ANP32A: variants seen among roughly 807,000 people sequenced by gnomAD.
ANP32A encodes the protein acidic leucine-rich nuclear phosphoprotein 32 family member A.
A neutral mutation model predicts 33.9 loss-of-function variants in ANP32A; 1 was observed. The observed-to-expected ratio is 0.03, with a 90% CI of 0.01 to 0.14. The LOEUF (loss-of-function observed/expected upper bound fraction) is 0.14. Among genes scored for constraint, ANP32A ranks in the 10% least tolerant of loss-of-function variants. The pLI is 1.00. For missense variants in ANP32A, 155 were observed against 306.0 expected (o/e 0.51, Z 3.68); for synonymous variants, 115 against 120.5 (o/e 0.95, Z 0.30).
chr15:68,782,766 G>A (rs1395111864), intron 5 of ANP32A, 190 bp downstream of exon 5: 1 of 1,060,364 alleles, frequency 9.4e-7, no homozygotes, highest in Non-Finnish European at 1.3e-6. Flanking sequence ...AGCCTCCCCA[G>A]AGCTTACTGC....
Position 68,787,972 on chromosome 15 carries a change from G to A in ANP32A, c.55-53C>T. On this transcript the variant is annotated intron_variant, in intron 1 of 6. Coordinates refer to ENST00000465139, the MANE Select transcript of ANP32A (RefSeq NM_006305.4). Reference sequence around the variant, plus strand: ...GGGCTGAGGAATGGGGCTGAAGCAGGGGGAGGGTGTTAGAGGACTCCTCAG... The same window carrying A: ...GGGCTGAGGAATGGGGCTGAAGCAGAGGGAGGGTGTTAGAGGACTCCTCAG... 3.1e-6 allele frequency: 5 copies of A among 1,611,322 alleles called. No individual in the cohort carries two copies. The South Asian group carries it at 5.5e-5, about 18-fold the overall frequency.
At chr15:68,788,716 C>G (rs1893964006) in intron 1 of ANP32A, among the ~76,000 whole-genome samples, 1 of 152,170 alleles carries the variant, frequency 6.6e-6, no homozygotes, top group Non-Finnish European at 1.5e-5. Context: ...CACGGTCCAG[C>G]ATAGACGTGG....
At position 68,784,617 on chromosome 15, in the gene ANP32A, C is replaced by G. The variant is rs776605979; in HGVS notation, c.328-22G>C. On this transcript the variant is annotated intron_variant, in intron 3 of 6. Transcript: ENST00000465139. The stretch of plus-strand genomic sequence containing the variant: ...TTTTCTGCAAGCGGAAAAATGAAGC[C>G]AACAGTAAGTGATTTGTGGGAGGAA... The G allele has an allele frequency of 3.7e-6, 6 of 1,613,144 alleles. No homozygotes were observed. In the African/African-American group the frequency reaches 8.0e-5, roughly 22 times the overall value.
intron 1 of ANP32A, among the ~76,000 whole-genome samples, chr15:68,815,093 G>A (rs369161142): frequency 2.5e-4 from 38 of 152,308 alleles, no homozygotes; most frequent in South Asian, 1.7e-3. Flanking sequence ...TTCCTGGGTT[G>A]AGGCTGATTT....
intron 1 of ANP32A, among the ~76,000 whole-genome samples, chr15:68,794,510 G>T (rs949730080): frequency 2.0e-5 from 3 of 152,218 alleles, no homozygotes; most frequent in Non-Finnish European, 4.4e-5. Context: ...GCACACAAGA[G>T]AAGACTCATA....
Position 68,787,929 on chromosome 15 carries a change from G to C in ANP32A, c.55-10C>G, listed in dbSNP as rs181780074. ...GGACAAGTTCTTTCACCTGAAAGAA[G>C]GCCCGACCGTGTGAGCGGGGCTGAG... On this transcript the variant is annotated splice_polypyrimidine_tract_variant and intron_variant, in intron 1 of 6. Coordinates refer to ENST00000465139, the MANE Select transcript of ANP32A (RefSeq NM_006305.4). The C allele has an allele frequency of 1.9e-4, 313 of 1,614,074 alleles. No individual in the cohort carries two copies. The African/African-American group carries it at 3.8e-3, about 19-fold the overall frequency.
chr15:68,801,102 G>A (rs1894128903), intron 1 of ANP32A, among the ~76,000 whole-genome samples: 1 of 152,032 alleles, frequency 6.6e-6, no homozygotes, highest in Non-Finnish European at 1.5e-5. Flanking sequence ...TGGTAGGATA[G>A]TGGGTTTCAC....
chr15:68,811,847 C>T (rs893789787), intron 1 of ANP32A, among the ~76,000 whole-genome samples: 2 of 152,084 alleles, frequency 1.3e-5, no homozygotes, highest in Non-Finnish European at 2.9e-5. Flanking sequence ...AGCGATTCTC[C>T]TGCCTCAGCC....
intron 1 of ANP32A, among the ~76,000 whole-genome samples, chr15:68,796,513 C>T (rs1455392700): frequency 1.3e-5 from 2 of 152,232 alleles, no homozygotes; most frequent in Admixed American, 1.3e-4. Context: ...CCACACCCAG[C>T]CGCAGACTCG....
At chr15:68,782,783 T>C in intron 5 of ANP32A, 173 bp downstream of exon 5, 1 of 1,227,860 alleles carries the variant, frequency 8.1e-7, no homozygotes. Flanking sequence ...CTGCAAGTCT[T>C]GTCTCCCCAG....
Position 68,793,220 on chromosome 15 carries a change from G to A in ANP32A, c.55-5301C>T, listed in dbSNP as rs780997107. Reference sequence around the variant, plus strand: ...GCTTAACAAATGTCCTGTTTATTGCGCCAGGTATAACATTAGGTGCTGGGA... The same window carrying A: ...GCTTAACAAATGTCCTGTTTATTGCACCAGGTATAACATTAGGTGCTGGGA... On this transcript the variant is annotated intron_variant, in intron 1 of 6. Transcript: ENST00000465139. Among the ~76,000 whole-genome samples the A allele has an allele frequency of 9.2e-5, 14 of 152,284 alleles. 1 individual carries two copies. Among genetic ancestry groups the A allele is most frequent in the African/African-American group, 1.7e-4 (7 of 41,552 alleles).
At chr15:68,787,729 C>T (rs1163993722) in intron 2 of ANP32A, 41 bp downstream of exon 2, 1 of 1,607,568 alleles carries the variant, frequency 6.2e-7, no homozygotes, top group Non-Finnish European at 8.5e-7. Context: ...TCCCACTCCC[C>T]ACCCCCGCCT....
At chr15:68,781,554 G>A (rs1893867430) in intron 5 of ANP32A, 1 of 151,526 alleles carries the variant, frequency 6.6e-6, no homozygotes, top group African/African-American at 2.4e-5. Context: ...TAGACCTAGG[G>A]AGAAGGCAAA....
intron 1 of ANP32A, among the ~76,000 whole-genome samples, chr15:68,807,431 G>GA (rs1491491154): frequency 1.1e-4 from 15 of 141,652 alleles, no homozygotes; most frequent in South Asian, 6.6e-4. Flanking sequence ...AGAAAACGGG[G>GA]GGGGGGGAGT....
intron 1 of ANP32A, among the ~76,000 whole-genome samples, chr15:68,795,508 C>T (rs7183953): frequency 0.011 from 1,623 of 152,338 alleles, 18 homozygotes; most frequent in African/African-American, 0.038. Flanking sequence ...GGAGGGCCCG[C>T]ATTAACATAA....
Position 68,782,988 on chromosome 15 carries a change from C to T in ANP32A, c.592G>A (p.Gly198Ser). ...DEEDEDEEEEGEEEDVSGEEE... is the reference protein window; with the variant it reads ...DEEDEDEEEESEEEDVSGEEE... ...TCTCCACTCACGTCCTCCTCTTCAC[C>T]TTCCTCCTCCTCATCCTCGTCCTCC... is the stretch of plus-strand genomic sequence containing the variant. The change falls in exon 5 of 7, where the codon GGT becomes AGT. Residue 198 changes from glycine (G) to serine (S), a missense_variant. Coordinates refer to ENST00000465139, the MANE Select transcript of ANP32A (RefSeq NM_006305.4). 1 of 1,551,690 alleles carries T rather than the reference C, an allele frequency of 6.4e-7. No individual in the cohort carries two copies. Among genetic ancestry groups the T allele is most frequent in the Non-Finnish European group, 8.7e-7 (1 of 1,146,734 alleles).
At chr15:68,809,077 G>A (rs1894278349) in intron 1 of ANP32A, among the ~76,000 whole-genome samples, 1 of 152,276 alleles carries the variant, frequency 6.6e-6, no homozygotes, top group African/African-American at 2.4e-5. Flanking sequence ...CTCAGGACAT[G>A]GGCAGAGAGA....
At chr15:68,814,810 T>C (rs1894358999) in intron 1 of ANP32A, among the ~76,000 whole-genome samples, 1 of 152,154 alleles carries the variant, frequency 6.6e-6, no homozygotes, top group South Asian at 2.1e-4. Flanking sequence ...TTTTCAAAGA[T>C]CTGGGCTCTG....
intron 1 of ANP32A, among the ~76,000 whole-genome samples, chr15:68,818,040 A>T (rs1270791123): frequency 6.6e-6 from 1 of 152,086 alleles, no homozygotes; most frequent in Non-Finnish European, 1.5e-5. Context: ...CCGTTAAAAA[A>T]AATAAATAAA....
Sources: allele counts gnomAD v4.1 joint callset (sites outside exome capture counted in the v4.1 genomes callset), GRCh38; gene constraint gnomAD v4.1.1; transcripts MANE v1.5; gene names NCBI Gene and HGNC (gene_info 2026-07-23, HGNC 2026-07-21).